PALLD: variants seen among roughly 807,000 people sequenced by gnomAD.
PALLD encodes the protein palladin, cytoskeletal associated protein.
In PALLD, 61 loss-of-function variants were observed where a neutral mutation model predicts 123.5. The ratio of observed to expected loss-of-function variants is 0.49; its 90% CI spans 0.40 to 0.61. The LOEUF (loss-of-function observed/expected upper bound fraction) is 0.61. Ranked by LOEUF, PALLD falls within the 20% of genes least tolerant of loss-of-function variation. The pLI, the probability that PALLD is intolerant of heterozygous loss-of-function variation, is 0.00. For synonymous variants in PALLD, 465 were observed against 496.4 expected (o/e 0.94, Z 0.84); for missense variants, 1,273 against 1,377.0 (o/e 0.92, Z 1.20).
chr4:168,916,200 C>A (rs540983021), intron 17 of PALLD, among the ~76,000 whole-genome samples, 173 bp downstream of exon 17: 4 of 152,252 alleles, frequency 2.6e-5, no homozygotes, highest in African/African-American at 9.6e-5. Flanking sequence ...ATCGCTTGAT[C>A]CCAGGAGTTC....
intron 10 of PALLD, among the ~76,000 whole-genome samples, chr4:168,791,157 A>G (rs1737462309): frequency 6.6e-6 from 1 of 152,020 alleles, no homozygotes; most frequent in Non-Finnish European, 1.5e-5. Flanking sequence ...ACCTAAATCC[A>G]CTTGTACCTT....
At chr4:168,519,057 T>TA (rs1482736961) in intron 2 of PALLD, among the ~76,000 whole-genome samples, 1 of 152,242 alleles carries the variant, frequency 6.6e-6, no homozygotes, top group African/African-American at 2.4e-5. Flanking sequence ...TGTAAAAACT[T>TA]ACACATAAAT....
chr4:168,573,339 C>A (rs945424623), intron 2 of PALLD, among the ~76,000 whole-genome samples: 2 of 152,148 alleles, frequency 1.3e-5, no homozygotes, highest in East Asian at 3.9e-4. Flanking sequence ...TTACCACTCT[C>A]TGCAGTCATT....
intron 18 of PALLD, among the ~76,000 whole-genome samples, chr4:168,922,096 TATATATACACACACAC>T (rs1198311965): frequency 3.8e-5 from 4 of 104,890 alleles, no homozygotes; most frequent in African/African-American, 1.3e-4. Flanking sequence ...TATATATATA[TATATATACACACACAC>T]ACACACACAC....
chr4:168,710,151 G>A (rs1784696023), intron 9 of PALLD, among the ~76,000 whole-genome samples: 1 of 152,120 alleles, frequency 6.6e-6, no homozygotes, highest in Admixed American at 6.5e-5. Flanking sequence ...ATCAATGATA[G>A]TATATAACTA....
chr4:168,710,787 CA>C (rs1427808504), intron 9 of PALLD, among the ~76,000 whole-genome samples: 1 of 152,186 alleles, frequency 6.6e-6, no homozygotes, highest in African/African-American at 2.4e-5. Context: ...AGTGTTTAAA[CA>C]ATATGGCCAA....
At chr4:168,600,075 ACACACATATATACATGCATGTGTATG>A (rs1378384903) in intron 2 of PALLD, among the ~76,000 whole-genome samples, 11 of 61,484 alleles carry the variant, frequency 1.8e-4, no homozygotes, top group Admixed American at 1.6e-3. Context: ...ATGTGTATAC[ACACACATATATACATGCATGTGTATG>A]CACACATATA....
At chr4:168,907,312 G>A (rs142098425) in intron 15 of PALLD, among the ~76,000 whole-genome samples, 4 of 152,278 alleles carry the variant, frequency 2.6e-5, no homozygotes, top group African/African-American at 9.6e-5. Context: ...GATCAGTTCT[G>A]TGTCTAGGTA....
In PALLD at chr4:168,511,501, A is replaced by C. The variant is rs2149426736; in HGVS notation, c.-4A>C. 1 of 1,612,480 alleles carries C rather than the reference A, an allele frequency of 6.2e-7. No individual in the cohort carries two copies. Among genetic ancestry groups the C allele is most frequent in the African/African-American group, 1.3e-5 (1 of 75,006 alleles). On this transcript the variant is annotated 5_prime_UTR_variant, in exon 2 of 22. Transcript: ENST00000505667. Reference sequence around the variant, plus strand: ...GACACAGAGTGCATGAAGACCGTTCAAATATGTCAGGGACCTCCTCCCATG... The same window carrying C: ...GACACAGAGTGCATGAAGACCGTTCCAATATGTCAGGGACCTCCTCCCATG...
At chr4:168,535,881 T>C (rs1289226126) in intron 2 of PALLD, among the ~76,000 whole-genome samples, 3 of 152,298 alleles carry the variant, frequency 2.0e-5, no homozygotes, top group East Asian at 1.9e-4. Context: ...CTCGTATTCT[T>C]TGTACATAAA....
At chr4:168,588,822 G>A (rs139176066) in intron 2 of PALLD, among the ~76,000 whole-genome samples, 7 of 150,338 alleles carry the variant, frequency 4.7e-5, no homozygotes, top group Admixed American at 1.3e-4. Context: ...AAAAATAGCC[G>A]TGTTCAATCT....
intron 10 of PALLD, among the ~76,000 whole-genome samples, chr4:168,735,293 C>T (rs1787629551): frequency 6.6e-6 from 1 of 152,134 alleles, no homozygotes; most frequent in African/African-American, 2.4e-5. Flanking sequence ...GAGGTCCCGG[C>T]CCTCACTTCA....
At chr4:168,679,277 G>A (rs1381123193) in intron 3 of PALLD, among the ~76,000 whole-genome samples, 5 of 101,524 alleles carry the variant, frequency 4.9e-5, no homozygotes, top group Non-Finnish European at 8.2e-5. Context: ...GTGTGTGGTG[G>A]GGTGAGTATG....
At chr4:168,757,860 T>C (rs1732114140) in intron 10 of PALLD, among the ~76,000 whole-genome samples, 1 of 152,012 alleles carries the variant, frequency 6.6e-6, no homozygotes, top group African/African-American at 2.4e-5. Context: ...TCACCCGAGG[T>C]CAGGAGTTCG....
intron 10 of PALLD, among the ~76,000 whole-genome samples, chr4:168,861,288 A>AAG (rs1485416619): frequency 6.6e-6 from 1 of 151,656 alleles, no homozygotes; most frequent in Non-Finnish European, 1.5e-5. Flanking sequence ...TTAAAAAAAA[A>AAG]AAACTAAGTA....
In PALLD at chr4:168,910,700, A is replaced by G. The variant is rs1292394202; in HGVS notation, c.2623-3227A>G. Among the ~76,000 whole-genome samples, 3 of 152,192 alleles carry G rather than the reference A, an allele frequency of 2.0e-5. No individual in the cohort carries two copies. In the East Asian group the frequency reaches 5.8e-4, roughly 29 times the overall value. ...ATATGGCCTTGTTTTACAGAGAAGG[A>G]AACTTAGAAAGATTAAGTTACCTGC... On this transcript the variant is annotated intron_variant, in intron 15 of 21. Coordinates refer to ENST00000505667, the MANE Select transcript of PALLD (RefSeq NM_001166108.2).
intron 2 of PALLD, among the ~76,000 whole-genome samples, chr4:168,622,223 C>T (rs758797345): frequency 6.7e-4 from 102 of 152,308 alleles, no homozygotes; most frequent in Admixed American, 1.4e-3. Context: ...CATCCTCCTC[C>T]CTATGCCAAA....
At chr4:168,912,223 A>G (rs1040189792) in intron 15 of PALLD, among the ~76,000 whole-genome samples, 2 of 152,242 alleles carry the variant, frequency 1.3e-5, no homozygotes, top group African/African-American at 4.8e-5. Flanking sequence ...GCAGCTTGCA[A>G]TAAAAATGAC....
At chr4:168,916,152 C>T (rs1760040575) in intron 17 of PALLD, 125 bp downstream of exon 17, 1 of 942,002 alleles carries the variant, frequency 1.1e-6, no homozygotes, top group Admixed American at 1.7e-5. Context: ...GTGGCTCACA[C>T]CTATAATCCC....
Sources: allele counts gnomAD v4.1 joint callset (sites outside exome capture counted in the v4.1 genomes callset), GRCh38; gene constraint gnomAD v4.1.1; transcripts MANE v1.5; gene names NCBI Gene and HGNC (gene_info 2026-07-23, HGNC 2026-07-21).